TRPC5: variants seen among roughly 807,000 people sequenced by gnomAD.
TRPC5 encodes the protein short transient receptor potential channel 5.
Under a neutral mutation model 56.5 loss-of-function variants are expected in TRPC5, and 9 were observed. The ratio of observed to expected loss-of-function variants is 0.16; its 90% CI spans 0.10 to 0.28. TRPC5 has a LOEUF of 0.28. Ranked by LOEUF, TRPC5 falls within the 10% of genes least tolerant of loss-of-function variation. TRPC5 has a pLI of 1.00. For synonymous variants in TRPC5, 282 were observed against 278.5 expected, an observed-to-expected ratio of 1.01 and a Z score of -0.13; for missense variants, 469 against 748.9, an observed-to-expected ratio of 0.63 and a Z score of 4.36.
chrX:111,776,388 A>G lies in TRPC5; in HGVS notation c.2847T>C (p.Thr949=). 1 of 1,208,647 alleles carries G rather than the reference A, an allele frequency of 8.3e-7. No individual in the cohort carries two copies. The highest frequency in any genetic ancestry group is 1.1e-6 in the Non-Finnish European group (1 of 894,464). Residue 949 remains threonine (T), a synonymous_variant, in exon 11 of 11, where the codon ACT becomes ACC. Transcript: ENST00000262839. ...TGAGCAAGTCACAAGCCTCTCCCCA[A>G]GTTTCAAATACATCCTCTGAGGAGT... ...LLDSSEDVFE[T]WGEACDLLMH...
intron 1 of TRPC5, among the ~76,000 whole-genome samples, chrX:111,975,378 A>G (rs1327636420): frequency 4.6e-5 from 5 of 109,549 alleles, no homozygotes; most frequent in Non-Finnish European, 9.5e-5. Context: ...ATAGCAATAA[A>G]CCCTGGAAGG....
chrX:111,938,329 A>AC (rs1181106612), intron 2 of TRPC5, among the ~76,000 whole-genome samples: 2 of 97,767 alleles, frequency 2.0e-5, no homozygotes, highest in African/African-American at 4.0e-5. Context: ...CTAATTGAAT[A>AC]CCCTTTATTT....
chrX:111,842,134 A>ATTATATATAATATATATAT (rs1556566931), intron 6 of TRPC5, among the ~76,000 whole-genome samples: 19 of 83,073 alleles, frequency 2.3e-4, no homozygotes, highest in African/African-American at 1.4e-3. Context: ...ATATATATGT[A>ATTATATATAATATATATAT]TATATATATA....
intron 3 of TRPC5, among the ~76,000 whole-genome samples, chrX:111,908,783 C>T (rs772395728): frequency 9.8e-5 from 11 of 112,021 alleles, no homozygotes; most frequent in African/African-American, 3.2e-4. Flanking sequence ...GAAATTACTG[C>T]TGAATATCCA....
intron 7 of TRPC5, among the ~76,000 whole-genome samples, chrX:111,787,083 C>G (rs972237974): frequency 1.8e-5 from 2 of 111,735 alleles, no homozygotes; most frequent in African/African-American, 6.5e-5. Flanking sequence ...AACTTTCCAC[C>G]CCAAATCAAC....
Position 111,771,091 on chromosome X carries a change from A to G in TRPC5, c.*5222T>C, listed in dbSNP as rs1288003128. On this transcript the variant is annotated 3_prime_UTR_variant, in exon 11 of 11. Coordinates refer to ENST00000262839, the MANE Select transcript of TRPC5 (RefSeq NM_012471.3). ...TTTTTTGGTTCTATCAAGTCACTGGAGTTATAAAGAAAGTTCTTTGAGGGG... is the reference window on the plus strand; with the variant it reads ...TTTTTTGGTTCTATCAAGTCACTGGGGTTATAAAGAAAGTTCTTTGAGGGG... Among the ~76,000 whole-genome samples the G allele has an allele frequency of 1.8e-5, 2 of 111,542 alleles. No homozygotes were observed. The highest frequency in any genetic ancestry group is 3.8e-5 in the Non-Finnish European group (2 of 53,090).
At chrX:111,945,203 C>T (rs1926902050) in intron 2 of TRPC5, among the ~76,000 whole-genome samples, 1 of 108,848 alleles carries the variant, frequency 9.2e-6, no homozygotes, top group South Asian at 4.1e-4. Flanking sequence ...GATTTGCTCT[C>T]CCTGATAACA....
At chrX:112,068,974 A>G (rs999077620) in intron 1 of TRPC5, among the ~76,000 whole-genome samples, 18 of 111,926 alleles carry the variant, frequency 1.6e-4, no homozygotes, top group Non-Finnish European at 3.4e-4. Flanking sequence ...AGGTGATGTG[A>G]CTTGCCCAAG....
At chrX:111,885,943 C>A (rs776719225) in intron 3 of TRPC5, among the ~76,000 whole-genome samples, 1 of 111,593 alleles carries the variant, frequency 9.0e-6, no homozygotes, top group Non-Finnish European at 1.9e-5. Flanking sequence ...AGACTTGAAC[C>A]TAGGTTTCTC....
At chrX:111,986,626 C>A (rs756794995) in intron 1 of TRPC5, among the ~76,000 whole-genome samples, 101 of 110,855 alleles carry the variant, frequency 9.1e-4, no homozygotes, top group African/African-American at 3.2e-3. Context: ...GAAGTCGCTA[C>A]CACTGGGGGT....
intron 3 of TRPC5, among the ~76,000 whole-genome samples, chrX:111,885,669 C>A (rs1391089150): frequency 1.5e-4 from 17 of 110,455 alleles, no homozygotes; most frequent in African/African-American, 5.6e-4. Context: ...CAACATCATC[C>A]TCAAAATATA....
intron 1 of TRPC5, among the ~76,000 whole-genome samples, chrX:111,994,046 T>G (rs1356189461): frequency 1.8e-5 from 2 of 112,316 alleles, no homozygotes; most frequent in African/African-American, 6.5e-5. Flanking sequence ...GACTAACATT[T>G]AAACCTTTAA....
At chrX:111,800,444 A>G (rs1039636007) in intron 7 of TRPC5, among the ~76,000 whole-genome samples, 3 of 111,229 alleles carry the variant, frequency 2.7e-5, no homozygotes, top group Non-Finnish European at 5.7e-5. Flanking sequence ...AGCCTAGCCA[A>G]TATAGTGACG....
chrX:111,789,313 G>A (rs1164992575), intron 7 of TRPC5, among the ~76,000 whole-genome samples: 1 of 111,939 alleles, frequency 8.9e-6, no homozygotes, highest in Admixed American at 9.5e-5. Flanking sequence ...AAGCAATGGG[G>A]AAAGGATTCC....
intron 1 of TRPC5, among the ~76,000 whole-genome samples, chrX:112,041,867 T>C (rs7064992): frequency 0.12 from 13,478 of 111,278 alleles, 690 homozygotes; most frequent in African/African-American, 0.16. Flanking sequence ...AAGAAATCAA[T>C]GTGTTTTATG....
chrX:111,925,572 T>C (rs1308863868), intron 2 of TRPC5, among the ~76,000 whole-genome samples: 5 of 112,097 alleles, frequency 4.5e-5, no homozygotes, highest in Non-Finnish European at 9.4e-5. Context: ...AAAACTCTTT[T>C]CTTTCTGATA....
chrX:111,871,116 A>G (rs985735209), intron 3 of TRPC5, among the ~76,000 whole-genome samples: 1 of 111,504 alleles, frequency 9.0e-6, no homozygotes, highest in African/African-American at 3.3e-5. Context: ...TATACTGTAC[A>G]TTGAACTCTG....
chrX:111,833,502 A>G (rs1922471643), intron 7 of TRPC5, among the ~76,000 whole-genome samples: 3 of 110,807 alleles, frequency 2.7e-5, no homozygotes, highest in Admixed American at 9.6e-5. Flanking sequence ...CCTAGCAGAC[A>G]ATTTTATATC....
intron 3 of TRPC5, among the ~76,000 whole-genome samples, chrX:111,869,754 T>G (rs1923680627): frequency 9.0e-6 from 1 of 111,458 alleles, no homozygotes; most frequent in South Asian, 3.8e-4. Flanking sequence ...ATCCTAGCCA[T>G]GAGATGGCAG....
Sources: allele counts gnomAD v4.1 joint callset (sites outside exome capture counted in the v4.1 genomes callset), GRCh38; gene constraint gnomAD v4.1.1; transcripts MANE v1.5; gene names NCBI Gene and HGNC (gene_info 2026-07-23, HGNC 2026-07-21).